Variants in CSAD observed in about 807,000 individuals in gnomAD.
CSAD encodes cysteine sulfinic acid decarboxylase.
In CSAD, 47 loss-of-function variants were observed where a neutral mutation model predicts 61.5. That is an observed-to-expected ratio of 0.76 (90% CI 0.60 to 0.97). The LOEUF is 0.97. CSAD is among the 50% of genes least tolerant of loss of function. The pLI, the probability that CSAD is intolerant of heterozygous loss-of-function variation, is 0.00. For synonymous variants in CSAD, 245 were observed against 252.7 expected, an observed-to-expected ratio of 0.97 and a Z score of 0.29; for missense variants, 611 against 643.6, an observed-to-expected ratio of 0.95 and a Z score of 0.55.
rs879138011 is a variant in CSAD at position 53,170,073 on chromosome 12, T to A, written c.701A>T (p.Glu234Val). The change falls in exon 10 of 17, where the codon GAG becomes GTG. Residue 234 changes from glutamate to valine, a missense_variant and splice_region_variant. Coordinates refer to ENST00000444623, the MANE Select transcript of CSAD (RefSeq NM_001244705.2). ...LERQIGMAEAEGAVPFLVSAT... is the reference protein window; with the variant it reads ...LERQIGMAEAVGAVPFLVSAT... ...CCCCAGCGAGCCTCACTGACTCACC[T>A]CAGCCTCGGCCATACCAATCTGCCT... 1.2e-6 allele frequency: 2 copies of A among 1,613,894 alleles called. No homozygotes were observed. The highest frequency in any genetic ancestry group is 2.2e-5 in the South Asian group (2 of 91,068).
rs562193146 is a variant in CSAD at position 53,159,488 on chromosome 12, A to G, written c.1308+135T>C. ...TTCCTCCCCATCCCCACCCCTACCG[A>G]AAAGAGAGCATCCACGCCTCAGAGC... On this transcript the variant is annotated intron_variant, in intron 16 of 16. Transcript: ENST00000444623. 53 of 694,254 alleles carry G rather than the reference A, an allele frequency of 7.6e-5. 1 individual carries two copies. The East Asian group carries it at 1.4e-3, about 19-fold the overall frequency. 43.0% of individuals were successfully genotyped at this position (694,254 alleles called of 1,614,324 possible).
chr12:53,161,331 T>C lies in CSAD; in HGVS notation c.761A>G (p.Asp254Gly). 6.2e-7 allele frequency: 1 copy of C among 1,613,322 alleles called. No homozygotes were observed. Residue 254 changes from aspartate (D) to glycine (G), a missense_variant, in exon 11 of 17, where the codon GAC (aspartate) becomes GGC (glycine). Physicochemically the swap from Asp to Gly is moderately conservative, Grantham distance 94. Transcript: ENST00000444623. ...TSGTTVLGAF[D>G]PLEAIADVCQ... ...CACATCAGCAATTGCCTCCAGGGGG[T>C]CAAAGGCCCCTAGCACAGTGGTGCC...
Position 53,172,635 on chromosome 12 carries a change from T to C in CSAD, c.140A>G (p.Lys47Arg). 1.2e-6 allele frequency: 2 copies of C among 1,607,458 alleles called. No homozygotes were observed. The highest frequency in any genetic ancestry group is 1.1e-5 in the South Asian group (1 of 89,926). ...TSVSQKVCEW[K>R]EPEELKQLLD... ...CAGCTGCTTCAGCTCCTCAGGCTCCTTCCACTCACAGACCTAGGAAGAGAG... is the reference window on the plus strand; with the variant it reads ...CAGCTGCTTCAGCTCCTCAGGCTCCCTCCACTCACAGACCTAGGAAGAGAG... Residue 47 changes from lysine to arginine, a missense_variant, in exon 5 of 17, where the codon AAG becomes AGG. Transcript: ENST00000444623.
chr12:53,160,651 A>G (rs940573972), intron 13 of CSAD, 112 bp downstream of exon 13: 2 of 946,702 alleles, frequency 2.1e-6, no homozygotes, highest in African/African-American at 1.6e-5. Flanking sequence ...ATGCAGCTTC[A>G]GAAGGGATGG....
chr12:53,176,460 C>T (rs941062591), intron 2 of CSAD, among the ~76,000 whole-genome samples: 3 of 151,816 alleles, frequency 2.0e-5, no homozygotes, highest in Admixed American at 1.3e-4. Flanking sequence ...TGGCTCACGC[C>T]TGTAATCCCA....
chr12:53,170,278 CTGG>C, intron 9 of CSAD, 142 bp downstream of exon 9: 1 of 986,618 alleles, frequency 1.0e-6, no homozygotes, highest in Non-Finnish European at 1.6e-6. Flanking sequence ...CTGGCAGGCT[CTGG>C]TAGACAGGAA....
intron 2 of CSAD, among the ~76,000 whole-genome samples, chr12:53,175,823 T>C (rs189815014): frequency 6.6e-6 from 1 of 152,368 alleles, no homozygotes; most frequent in Admixed American, 6.5e-5. Context: ...TTTATTATCT[T>C]ATTTGACCTT....
At position 53,161,280 on chromosome 12, in the gene CSAD, T is replaced by G; in HGVS notation, c.812A>C (p.His271Pro). ...AGCCGAAGTCCCACTCACATCCACA[T>G]GCAGCCATAGCCCATGACGCTGGCA... ...DVCQRHGLWLHVDAAWGGSVL... is the reference protein window; with the variant it reads ...DVCQRHGLWLPVDAAWGGSVL... The change falls in exon 11 of 17, where the codon CAT becomes CCT. Residue 271 changes from histidine (H) to proline (P), a missense_variant. By Grantham distance (77) the His-to-Pro change is moderately conservative (BLOSUM62 -2). Coordinates refer to ENST00000444623, the MANE Select transcript of CSAD (RefSeq NM_001244705.2). 6.2e-7 allele frequency: 1 copy of G among 1,613,912 alleles called. No individual in the cohort carries two copies. The highest frequency in any genetic ancestry group is 8.5e-7 in the Non-Finnish European group (1 of 1,179,882).
chr12:53,169,351 C>T (rs978467510), intron 10 of CSAD, among the ~76,000 whole-genome samples: 1 of 151,834 alleles, frequency 6.6e-6, no homozygotes, highest in Admixed American at 6.6e-5. Flanking sequence ...TGGTGGCACA[C>T]GCCTATAATC....
At position 53,160,117 on chromosome 12, in the gene CSAD, T is replaced by A. The variant is rs1592301772; in HGVS notation, c.1166+3A>T. ...GGACGACCCCCCACCTCCTCCCGCC[T>A]ACCGGGCAAGGACAAAGGCCTGGTC... On this transcript the variant is annotated splice_donor_region_variant and intron_variant, in intron 14 of 16. Coordinates refer to ENST00000444623, the MANE Select transcript of CSAD (RefSeq NM_001244705.2). The A allele has an allele frequency of 6.2e-7, 1 of 1,612,958 alleles. No homozygotes were observed. Among genetic ancestry groups the A allele is most frequent in the Non-Finnish European group, 8.5e-7 (1 of 1,180,016 alleles).
intron 16 of CSAD, 104 bp downstream of exon 16, chr12:53,159,519 A>G: frequency 1.1e-6 from 1 of 892,528 alleles, no homozygotes; most frequent in Non-Finnish European, 1.8e-6. Flanking sequence ...AGAGCAAGAG[A>G]CCAGCAAGGA....
At position 53,180,753 on chromosome 12, in the gene CSAD, C is replaced by A. The variant is rs777434979; in HGVS notation, c.-112G>T. ...TTGCCTCGGTCCCGGTGGGGGCAGC[C>A]GCGGCGGTGGGGTTGGCAGGGTGTG... On this transcript the variant is annotated 5_prime_UTR_variant, in exon 1 of 17. Transcript: ENST00000444623. The A allele has an allele frequency of 7.9e-7, 1 of 1,266,154 alleles. No individual in the cohort carries two copies. Among genetic ancestry groups the A allele is most frequent in the South Asian group, 1.3e-5 (1 of 78,536 alleles). The allele number at this position is 1,266,154 out of a possible 1,614,324, so 78.4% of individuals were successfully genotyped here.
At position 53,161,124 on chromosome 12, in the gene CSAD, C is replaced by A; in HGVS notation, c.884+3G>T. On this transcript the variant is annotated splice_donor_region_variant and intron_variant, in intron 12 of 16. Transcript: ENST00000444623. ...GATTTGGGAAGAAGGGGACTGTATGCACCTCTGGATCCCATCCAGGAGATG... is the reference window on the plus strand; with the variant it reads ...GATTTGGGAAGAAGGGGACTGTATGAACCTCTGGATCCCATCCAGGAGATG... 3 of 1,613,714 alleles carry A rather than the reference C, an allele frequency of 1.9e-6. No homozygotes were observed. Among genetic ancestry groups the A allele is most frequent in the Non-Finnish European group, 2.5e-6 (3 of 1,179,638 alleles).
intron 10 of CSAD, among the ~76,000 whole-genome samples, chr12:53,163,074 A>G (rs558545866): frequency 2.6e-5 from 4 of 151,984 alleles, no homozygotes; most frequent in Non-Finnish European, 5.9e-5. Context: ...AAAAAAAAAA[A>G]AGAAAAAAAA....
At chr12:53,168,597 A>G (rs1307607934) in intron 10 of CSAD, among the ~76,000 whole-genome samples, 1 of 152,168 alleles carries the variant, frequency 6.6e-6, no homozygotes, top group East Asian at 1.9e-4. Flanking sequence ...TACAGTGGAG[A>G]TACTTTCATG....
intron 2 of CSAD, among the ~76,000 whole-genome samples, chr12:53,176,571 T>C (rs1004858978): frequency 1.3e-5 from 2 of 151,214 alleles, no homozygotes. Context: ...TACAAAAAAT[T>C]AGCCCGGCAT....
intron 16 of CSAD, 63 bp downstream of exon 16, chr12:53,159,560 G>T (rs1235267786): frequency 2.1e-6 from 3 of 1,403,572 alleles, no homozygotes. Context: ...GCCAACAGGG[G>T]GCAGAAGCGC....
intron 10 of CSAD, among the ~76,000 whole-genome samples, chr12:53,166,936 CAAAA>C (rs1216058525): frequency 6.6e-6 from 1 of 152,050 alleles, no homozygotes; most frequent in Non-Finnish European, 1.5e-5. Context: ...GTTACACACA[CAAAA>C]AAACAAGTAG....
rs576975604 is a variant in CSAD at position 53,172,423 on chromosome 12, G to GAACC, written c.263_266dup (p.Phe89LeufsTer22). On this transcript the variant is annotated frameshift_variant, in exon 6 of 17. Coordinates refer to ENST00000444623, the MANE Select transcript of CSAD (RefSeq NM_001244705.2). LOFTEE classifies it high-confidence loss of function. The stretch of plus-strand genomic sequence containing the variant: ...CCAACCCAGAGAAGAGCTGGTTGAA[G>GAACC]AACCGAGGGTGACCTGGAGAAGGAG... 129 of 1,614,186 alleles carry GAACC rather than the reference G, an allele frequency of 8.0e-5. No homozygotes were observed. The African/African-American group carries it at 1.2e-3, about 15-fold the overall frequency.
Sources: allele counts gnomAD v4.1 joint callset (sites outside exome capture counted in the v4.1 genomes callset), GRCh38; gene constraint gnomAD v4.1.1; transcripts MANE v1.5; gene names NCBI Gene and HGNC (gene_info 2026-07-23, HGNC 2026-07-21).